SHISA9: variants seen among roughly 807,000 people sequenced by gnomAD.
The protein encoded by SHISA9 is shisa family member 9, also known as protein shisa-9.
A neutral mutation model predicts 38.0 loss-of-function variants in SHISA9; 13 were observed. The observed-to-expected ratio is 0.34, with a 90% CI of 0.22 to 0.54. SHISA9 has a LOEUF of 0.54. Ranked by LOEUF, SHISA9 falls within the 20% of genes least tolerant of loss-of-function variation. The pLI is 0.91. For synonymous variants in SHISA9, 275 were observed against 242.0 expected (o/e 1.14, Z -1.27); for missense variants, 538 against 575.8 (o/e 0.93, Z 0.67).
chr16:13,410,283 G>T, the SHISA9 span, among the ~76,000 whole-genome samples: 6 of 152,258 alleles, frequency 3.9e-5, no homozygotes, highest in East Asian at 7.7e-4. Context: ...CAGTGATGAG[G>T]ACATCAAAGT....
the SHISA9 span, among the ~76,000 whole-genome samples, chr16:13,396,501 C>A: frequency 0.088 from 13,434 of 152,158 alleles, 1,259 homozygotes; most frequent in African/African-American, 0.24. Context: ...GCCAACTCCC[C>A]GACCCTCAAC....
At chr16:13,559,504 A>C in the SHISA9 span, among the ~76,000 whole-genome samples, 1 of 151,940 alleles carries the variant, frequency 6.6e-6, no homozygotes, top group African/African-American at 2.4e-5. Flanking sequence ...CAGTCTCCCA[A>C]GTAGCTAGGA....
the SHISA9 span, among the ~76,000 whole-genome samples, chr16:13,318,872 T>C: frequency 2.6e-5 from 4 of 152,234 alleles, no homozygotes; most frequent in Non-Finnish European, 5.9e-5. Context: ...ATATCCTTAT[T>C]GCTTTCTAAA....
At chr16:13,001,756 C>T (rs930445415) in intron 2 of SHISA9, among the ~76,000 whole-genome samples, 7 of 152,062 alleles carry the variant, frequency 4.6e-5, no homozygotes, top group Admixed American at 4.6e-4. Context: ...AGGTATTGAA[C>T]TCTAGTTAAT....
intron 2 of SHISA9, among the ~76,000 whole-genome samples, chr16:13,037,622 G>T (rs1019410628): frequency 6.6e-6 from 1 of 152,054 alleles, no homozygotes; most frequent in South Asian, 2.1e-4. Context: ...CCTTGCCTGC[G>T]AGTACCTCCT....
chr16:13,478,090 A>C, the SHISA9 span, among the ~76,000 whole-genome samples: 1 of 152,184 alleles, frequency 6.6e-6, no homozygotes. Flanking sequence ...TTTTCCTCTG[A>C]AATCCTTTCT....
At chr16:13,095,768 C>T (rs188969703) in intron 2 of SHISA9, among the ~76,000 whole-genome samples, 19 of 152,308 alleles carry the variant, frequency 1.2e-4, no homozygotes, top group Admixed American at 6.5e-4. Flanking sequence ...TGTGAATACT[C>T]GATAAATAGT....
chr16:13,514,906 T>C, the SHISA9 span, among the ~76,000 whole-genome samples: 1 of 151,998 alleles, frequency 6.6e-6, no homozygotes, highest in Non-Finnish European at 1.5e-5. Flanking sequence ...ATACACATTA[T>C]GTAAAAAGGA....
chr16:13,447,902 C>T, the SHISA9 span, among the ~76,000 whole-genome samples: 2 of 152,126 alleles, frequency 1.3e-5, no homozygotes, highest in Admixed American at 6.5e-5. Context: ...TTCATTTGAA[C>T]GCATGATGGA....
chr16:13,344,898 C>G, the SHISA9 span, among the ~76,000 whole-genome samples: 1,625 of 152,192 alleles, frequency 0.011, 15 homozygotes, highest in Middle Eastern at 0.034. Flanking sequence ...CTTCTCTTAG[C>G]AGGAAAGAGC....
chr16:13,206,049 G>C (rs1439728873), intron 3 of SHISA9, among the ~76,000 whole-genome samples: 1 of 151,854 alleles, frequency 6.6e-6, no homozygotes, highest in East Asian at 1.9e-4. Context: ...ACAGGTGTGA[G>C]CTACTGCACT....
At chr16:13,065,659 C>T (rs564821249) in intron 2 of SHISA9, among the ~76,000 whole-genome samples, 2 of 152,324 alleles carry the variant, frequency 1.3e-5, no homozygotes, top group Admixed American at 6.5e-5. Context: ...AGGCTTGCCA[C>T]GTTTCCCACG....
At chr16:13,167,369 G>T (rs555886864) in intron 2 of SHISA9, among the ~76,000 whole-genome samples, 16 of 152,192 alleles carry the variant, frequency 1.1e-4, no homozygotes, top group South Asian at 6.2e-4. Context: ...AGTGCACCCG[G>T]CCACTTTACT....
chr16:13,239,801 G>T lies in SHISA9; in HGVS notation c.*4392G>T, dbSNP rs1429482305. ...TTGTAGGTTGCCTGTTCACTCTGAT[G>T]GTAGTTTCTTTTGCTGTGCAGAAGC... On this transcript the variant is annotated 3_prime_UTR_variant, in exon 5 of 5. Transcript: ENST00000558583. 1 of 151,990 alleles carries T rather than the reference G, an allele frequency of 6.6e-6. No individual in the cohort carries two copies. Among genetic ancestry groups the T allele is most frequent in the Admixed American group, 6.6e-5 (1 of 15,258 alleles). 9.4% of individuals were successfully genotyped at this position (151,990 alleles called of 1,614,324 possible).
the SHISA9 span, among the ~76,000 whole-genome samples, chr16:13,400,336 C>T: frequency 1.3e-4 from 19 of 148,042 alleles, no homozygotes; most frequent in African/African-American, 4.6e-4. Context: ...ACTTTATTCT[C>T]TTCCCTGTCT....
intron 2 of SHISA9, among the ~76,000 whole-genome samples, chr16:12,948,460 CTT>C (rs1490782685): frequency 6.6e-6 from 1 of 152,312 alleles, no homozygotes; most frequent in African/African-American, 2.4e-5. Flanking sequence ...GTATTTCTGT[CTT>C]TGTTTGAGCT....
At chr16:13,073,208 C>CTG in intron 2 of SHISA9, among the ~76,000 whole-genome samples, 1 of 139,838 alleles carries the variant, frequency 7.2e-6, no homozygotes, top group South Asian at 2.2e-4. Flanking sequence ...TCTCTCCTAT[C>CTG]TCTCTCTCTC....
intron 2 of SHISA9, among the ~76,000 whole-genome samples, chr16:13,051,913 C>T (rs781299359): frequency 3.2e-4 from 49 of 152,048 alleles, no homozygotes; most frequent in African/African-American, 1.1e-3. Context: ...TACAGGTGCC[C>T]GCCACCACAC....
the SHISA9 span, among the ~76,000 whole-genome samples, chr16:13,281,393 TTCTG>T: frequency 1.3e-5 from 2 of 151,756 alleles, no homozygotes; most frequent in Non-Finnish European, 3.0e-5. Context: ...ATCTCAATCT[TTCTG>T]TATACTTTTA....
Sources: allele counts gnomAD v4.1 joint callset (sites outside exome capture counted in the v4.1 genomes callset), GRCh38; gene constraint gnomAD v4.1.1; transcripts MANE v1.5; gene names NCBI Gene and HGNC (gene_info 2026-07-23, HGNC 2026-07-21).